IL1RAPL2: variants seen among roughly 807,000 people sequenced by gnomAD.
IL1RAPL2 encodes the protein interleukin 1 receptor accessory protein like 2, also known as X-linked interleukin-1 receptor accessory protein-like 2.
In IL1RAPL2, 3 loss-of-function variants were observed where a neutral mutation model predicts 44.1. The ratio of observed to expected loss-of-function variants is 0.07; its 90% CI spans 0.03 to 0.18. The LOEUF (loss-of-function observed/expected upper bound fraction) is 0.18, where lower values mean the gene tolerates loss of function less well. Among genes scored for constraint, IL1RAPL2 ranks in the 10% least tolerant of loss-of-function variants. The pLI is 1.00. For synonymous variants in IL1RAPL2, 181 were observed against 178.8 expected (o/e 1.01, Z -0.10); for missense variants, 391 against 496.4 (o/e 0.79, Z 2.02).
chrX:105,154,899 C>T (rs1455759938), intron 2 of IL1RAPL2, among the ~76,000 whole-genome samples: 1 of 111,603 alleles, frequency 9.0e-6, no homozygotes, highest in African/African-American at 3.3e-5. Flanking sequence ...AACTTATCAC[C>T]CTCTTTACCA....
At chrX:105,602,398 A>G (rs1602485147) in intron 6 of IL1RAPL2, among the ~76,000 whole-genome samples, 1 of 111,353 alleles carries the variant, frequency 9.0e-6, no homozygotes, top group Admixed American at 9.5e-5. Context: ...AGAAAAAAAA[A>G]AAGAATAAGA....
intron 4 of IL1RAPL2, among the ~76,000 whole-genome samples, chrX:105,263,064 T>C (rs376993666): frequency 1.8e-5 from 2 of 110,302 alleles, no homozygotes; most frequent in East Asian, 5.8e-4. Flanking sequence ...TTTGTATTTT[T>C]AGTAGAGACG....
At chrX:104,608,138 C>A (rs1428198594) in intron 1 of IL1RAPL2, among the ~76,000 whole-genome samples, 1 of 110,181 alleles carries the variant, frequency 9.1e-6, no homozygotes. Context: ...GACAGAAAAC[C>A]AAACACCACA....
intron 2 of IL1RAPL2, among the ~76,000 whole-genome samples, chrX:104,993,274 T>C (rs989321623): frequency 3.6e-5 from 4 of 111,693 alleles, no homozygotes; most frequent in African/African-American, 1.3e-4. Context: ...AATTGATCCT[T>C]CCATTAATAT....
At chrX:105,102,461 G>T (rs1409659706) in intron 2 of IL1RAPL2, among the ~76,000 whole-genome samples, 1 of 111,616 alleles carries the variant, frequency 9.0e-6, no homozygotes, top group Non-Finnish European at 1.9e-5. Flanking sequence ...TAGTTATTTA[G>T]CCACTTATAT....
chrX:105,480,228 T>C (rs866330204), intron 5 of IL1RAPL2, among the ~76,000 whole-genome samples: 1 of 112,344 alleles, frequency 8.9e-6, no homozygotes, highest in Non-Finnish European at 1.9e-5. Context: ...ACTAAGTTCA[T>C]GGAAATTGAC....
At chrX:105,195,168 G>A (rs1403042325) in intron 2 of IL1RAPL2, among the ~76,000 whole-genome samples, 1 of 108,584 alleles carries the variant, frequency 9.2e-6, no homozygotes. Context: ...CTGGAATTAG[G>A]ACCTGGCCAT....
At chrX:105,730,393 G>A (rs2038396320) in intron 7 of IL1RAPL2, among the ~76,000 whole-genome samples, 2 of 111,062 alleles carry the variant, frequency 1.8e-5, no homozygotes, top group Non-Finnish European at 3.8e-5. Context: ...TAAAAGGAGA[G>A]ATAGACATCA....
At chrX:105,465,033 C>T (rs761954638) in intron 5 of IL1RAPL2, among the ~76,000 whole-genome samples, 13 of 111,973 alleles carry the variant, frequency 1.2e-4, no homozygotes, top group Admixed American at 1.9e-4. Context: ...ATTATTTTTC[C>T]TCATCAACAT....
chrX:104,918,199 G>T (rs1405334996), intron 2 of IL1RAPL2, among the ~76,000 whole-genome samples: 1 of 111,534 alleles, frequency 9.0e-6, no homozygotes, highest in Non-Finnish European at 1.9e-5. Context: ...ATTTCTGGTT[G>T]GTAACCTTAG....
chrX:105,692,648 T>C lies in IL1RAPL2; in HGVS notation c.773-24719T>C, dbSNP rs2038044380. Among the ~76,000 whole-genome samples, 3 of 98,440 alleles carry C rather than the reference T, an allele frequency of 3.0e-5. No individual in the cohort carries two copies. In the South Asian group the frequency reaches 1.4e-3, roughly 47 times the overall value. The allele number at this position is 98,440 out of a possible 115,157, so 85.5% of individuals were successfully genotyped here. A position where few individuals can be genotyped will look rare whatever the true frequency, so the allele number is the denominator to read the frequency against. On this transcript the variant is annotated intron_variant, in intron 6 of 10. Transcript: ENST00000372582. ...ATTAAATGATGCAGGGGCACACATT[T>C]CAAAGAAATGAATGCTGAATGAAAA...
intron 2 of IL1RAPL2, among the ~76,000 whole-genome samples, chrX:105,149,640 T>A (rs946234334): frequency 5.4e-5 from 6 of 110,380 alleles, no homozygotes. Flanking sequence ...AAGACCAGCC[T>A]GGCCAACATG....
chrX:105,084,394 C>T (rs1012728325), intron 2 of IL1RAPL2, among the ~76,000 whole-genome samples: 1 of 112,933 alleles, frequency 8.9e-6, no homozygotes, highest in African/African-American at 3.2e-5. Context: ...CTGCCCAAGT[C>T]CCTGTAAGCC....
chrX:104,587,097 A>T (rs1602632453), intron 1 of IL1RAPL2, among the ~76,000 whole-genome samples: 1 of 111,601 alleles, frequency 9.0e-6, no homozygotes, highest in Non-Finnish European at 1.9e-5. Flanking sequence ...GTACTGAACC[A>T]GCTTCACAGA....
chrX:104,920,669 T>C (rs1397883076), intron 2 of IL1RAPL2, among the ~76,000 whole-genome samples: 3 of 107,241 alleles, frequency 2.8e-5, no homozygotes, highest in Non-Finnish European at 5.8e-5. Context: ...TGCGGAACCA[T>C]GAGCCAATTA....
chrX:104,797,197 C>T lies in IL1RAPL2; in HGVS notation c.82+138202C>T, dbSNP rs5917146. Among the ~76,000 whole-genome samples the T allele has an allele frequency of 5.0e-4, 15 of 30,117 alleles. 1 individual carries two copies. Among genetic ancestry groups the T allele is most frequent in the African/African-American group, 1.1e-3 (12 of 11,004 alleles). The allele number at this position is 30,117 out of a possible 115,157, so 26.2% of individuals were successfully genotyped here. ...AATGATCTCTTCAGCCCCCCCCCCC[C>T]CCCCGCAAAGTAATGTTTGCTATGA... On this transcript the variant is annotated intron_variant, in intron 2 of 10. Transcript: ENST00000372582.
chrX:105,724,467 C>T (rs998194960), intron 7 of IL1RAPL2, among the ~76,000 whole-genome samples: 1 of 110,229 alleles, frequency 9.1e-6, no homozygotes, highest in Non-Finnish European at 1.9e-5. Context: ...ATACAGATTC[C>T]CCTTTATCTC....
intron 5 of IL1RAPL2, among the ~76,000 whole-genome samples, chrX:105,329,390 T>G (rs1309006004): frequency 1.8e-5 from 2 of 111,992 alleles, no homozygotes; most frequent in Non-Finnish European, 3.8e-5. Context: ...AGAACTCTTT[T>G]GGGCCTGAAT....
chrX:104,585,329 ATATATAT>A lies in IL1RAPL2; in HGVS notation c.-20+18293_-20+18299del, dbSNP rs1357493366. Among the ~76,000 whole-genome samples the A allele has an allele frequency of 6.6e-3, 76 of 11,540 alleles. 6 individuals carry two copies. The highest frequency in any genetic ancestry group is 0.046 in the African/African-American group (62 of 1,357). 10.0% of individuals were successfully genotyped at this position (11,540 alleles called of 115,157 possible). On this transcript the variant is annotated intron_variant, in intron 1 of 10. Transcript: ENST00000372582. ...TATTATATAATATATATTATATATA[ATATATAT>A]TATATATTATATATATTATATATAT... is the stretch of plus-strand genomic sequence containing the variant.
Sources: gnomAD v4.1 joint callset for allele counts (sites outside exome capture counted in the v4.1 genomes callset) on GRCh38, gnomAD v4.1.1 for gene constraint, MANE v1.5 for transcripts, NCBI Gene and HGNC (gene_info 2026-07-23, HGNC 2026-07-21) for gene names.